Variants in ATG4A observed in about 807,000 individuals in gnomAD.
ATG4A encodes the protein autophagy related 4A cysteine peptidase, also known as cysteine protease ATG4A.
ATG4A carries 22 observed loss-of-function variants against 38.4 expected under a neutral mutation model. The ratio of observed to expected loss-of-function variants is 0.57; its 90% confidence interval spans 0.41 to 0.82. The LOEUF (loss-of-function observed/expected upper bound fraction) is 0.82, where lower values mean the gene tolerates loss of function less well. Among genes scored for constraint, ATG4A ranks in the 40% least tolerant of loss-of-function variants. The pLI, the probability that ATG4A is intolerant of heterozygous loss-of-function variation, is 0.00. For synonymous variants in ATG4A, 86 were observed against 100.7 expected (o/e 0.85, Z 0.88); for missense variants, 220 against 290.0 (o/e 0.76, Z 1.75).
At chrX:108,097,983 A>T (rs2031881365) in intron 1 of ATG4A, among the ~76,000 whole-genome samples, 1 of 111,968 alleles carries the variant, frequency 8.9e-6, no homozygotes, top group Non-Finnish European at 1.9e-5. Context: ...TTTTTTATAT[A>T]AAAGTTCTGG....
chrX:108,138,223 G>T, intron 9 of ATG4A, 32 bp downstream of exon 9: 1 of 1,160,111 alleles, frequency 8.6e-7, no homozygotes, highest in Non-Finnish European at 1.2e-6. Context: ...GTAAGTCATC[G>T]TGGGCTAGGG....
chrX:108,149,514 A>G (rs774806766), intron 9 of ATG4A, among the ~76,000 whole-genome samples: 8 of 112,909 alleles, frequency 7.1e-5, no homozygotes, highest in Non-Finnish European at 3.7e-5. Flanking sequence ...AGTGAGCTGT[A>G]TCTGTACTGA....
chrX:108,096,578 G>A (rs1038855635), intron 1 of ATG4A, among the ~76,000 whole-genome samples: 49 of 112,200 alleles, frequency 4.4e-4, no homozygotes, highest in African/African-American at 1.5e-3. Flanking sequence ...AGAAAAGCTG[G>A]AAAAACAATT....
chrX:108,089,457 A>G (rs1461892673), upstream of ATG4A, among the ~76,000 whole-genome samples: 3 of 112,681 alleles, frequency 2.7e-5, no homozygotes, highest in African/African-American at 6.5e-5. Context: ...GAAATTATCT[A>G]GAATTTAAAA....
At chrX:108,132,864 A>T (rs1278666284) in intron 4 of ATG4A, among the ~76,000 whole-genome samples, 1 of 111,109 alleles carries the variant, frequency 9.0e-6, no homozygotes, top group African/African-American at 3.3e-5. Context: ...AAGTAGCAGG[A>T]AGAAGTTGGA....
chrX:108,091,340 G>A (rs951858007), upstream of ATG4A: 23 of 1,034,288 alleles, frequency 2.2e-5, no homozygotes, highest in African/African-American at 5.5e-5. Context: ...CGCTAGGGCC[G>A]GGCCCCGAAA....
At chrX:108,127,255 A>G (rs1224170509) in intron 2 of ATG4A, among the ~76,000 whole-genome samples, 1 of 111,956 alleles carries the variant, frequency 8.9e-6, no homozygotes, top group Non-Finnish European at 1.9e-5. Flanking sequence ...CGCCTCTTAA[A>G]ATGAAATCAT....
intron 2 of ATG4A, among the ~76,000 whole-genome samples, chrX:108,127,489 T>C (rs752092302): frequency 1.8e-5 from 2 of 112,091 alleles, no homozygotes; most frequent in Non-Finnish European, 3.8e-5. Context: ...TCCCCATTTA[T>C]GGATGAGGAA....
chrX:108,112,277 A>G (rs1038868209), intron 1 of ATG4A, among the ~76,000 whole-genome samples: 1 of 112,108 alleles, frequency 8.9e-6, no homozygotes, highest in Non-Finnish European at 1.9e-5. Context: ...CCACAAGGAC[A>G]TTTTTAATAA....
Position 108,131,316 on chromosome X carries a change from A to T in ATG4A, c.250A>T (p.Met84Leu). Residue 84 changes from methionine to leucine, a missense_variant, in exon 4 of 13, where the codon ATG becomes TTG. Around this residue, in one of 3 missense-constraint regions of ATG4A, gnomAD observed 61 missense variants for 83.3 expected, o/e 0.73. Coordinates refer to ENST00000372232, the MANE Select transcript of ATG4A (RefSeq NM_052936.5). ...GWGCMLRCGQMMLAQALICRH... is the reference protein window; with the variant it reads ...GWGCMLRCGQLMLAQALICRH... ...GGGATGTATGCTACGCTGTGGACAG[A>T]TGATGCTGGCTCAAGCCCTTATCTG... 8.3e-7 allele frequency: 1 copy of T among 1,211,902 alleles called. No homozygotes were observed. Among genetic ancestry groups the T allele is most frequent in the Non-Finnish European group, 1.1e-6 (1 of 895,544 alleles).
intron 1 of ATG4A, among the ~76,000 whole-genome samples, chrX:108,105,392 C>G (rs2032141310): frequency 9.0e-6 from 1 of 110,673 alleles, no homozygotes; most frequent in African/African-American, 3.3e-5. Context: ...TCACTTGCTC[C>G]CTCTGTGTCT....
chrX:108,149,886 A>G (rs1866429846), intron 9 of ATG4A: 1 of 308,717 alleles, frequency 3.2e-6, no homozygotes, highest in South Asian at 7.5e-5. Context: ...TCTCATTCCC[A>G]CATTTTCTCA....
intron 3 of ATG4A, 50 bp from the exon 4 acceptor site, chrX:108,131,210 A>G: frequency 3.6e-6 from 4 of 1,115,312 alleles, no homozygotes; most frequent in Non-Finnish European, 4.9e-6. Flanking sequence ...ATGTTTCAGG[A>G]AAGGGCAATT....
chrX:108,124,735 T>G (rs1012334986), intron 1 of ATG4A, among the ~76,000 whole-genome samples: 11 of 112,366 alleles, frequency 9.8e-5, no homozygotes, highest in Non-Finnish European at 1.7e-4. Context: ...ACAAAATATT[T>G]ATATGATCAG....
At chrX:108,102,512 G>A (rs1288813624) in intron 1 of ATG4A, among the ~76,000 whole-genome samples, 1 of 111,642 alleles carries the variant, frequency 9.0e-6, no homozygotes, top group Non-Finnish European at 1.9e-5. Flanking sequence ...TCATTCTGTT[G>A]TTTCCTTTGC....
At chrX:108,091,741 G>A (rs1468030551), upstream of ATG4A, 18 of 1,151,251 alleles carry the variant, frequency 1.6e-5, no homozygotes, top group Admixed American at 2.2e-5. Context: ...CCCTAGCAGT[G>A]CAGAACTACA....
Position 108,091,960 on chromosome X carries a change from G to A in ATG4A, c.10+124G>A, listed in dbSNP as rs1326338627. On this transcript the variant is annotated intron_variant, in intron 1 of 12. Transcript: ENST00000372232. ...GGGCAAGAGTTATGAGAGCCTAAAG[G>A]TCCTGTCCCCCGGGGTTCCTGACCT... The A allele has an allele frequency of 3.6e-6, 4 of 1,096,237 alleles. No individual in the cohort carries two copies. In the East Asian group the frequency reaches 1.3e-4, roughly 36 times the overall value. 90.3% of individuals were successfully genotyped at this position (1,096,237 alleles called of 1,213,427 possible).
At chrX:108,141,050 ATATATACGTG>A (rs1372169630) in intron 9 of ATG4A, among the ~76,000 whole-genome samples, 3 of 68,482 alleles carry the variant, frequency 4.4e-5, no homozygotes, top group African/African-American at 1.7e-4. Context: ...ATATATATAC[ATATATACGTG>A]TATATATATA....
intron 1 of ATG4A, among the ~76,000 whole-genome samples, chrX:108,106,750 C>G (rs1012604724): frequency 4.5e-5 from 5 of 112,284 alleles, no homozygotes; most frequent in Non-Finnish European, 9.4e-5. Context: ...AATAAATCTA[C>G]TCTCATTAAA....
Sources: gnomAD v4.1 joint callset for allele counts (sites outside exome capture counted in the v4.1 genomes callset) on GRCh38, gnomAD v4.1.1 for gene constraint, gnomAD v4.1.1 regional missense constraint, MANE v1.5 for transcripts, NCBI Gene and HGNC (gene_info 2026-07-23, HGNC 2026-07-21) for gene names.